ETV1: variants seen among roughly 807,000 people sequenced by gnomAD.
The protein encoded by ETV1 is ETS variant transcription factor 1, also known as ETS translocation variant 1.
ETV1 carries 27 observed loss-of-function variants against 62.3 expected under a neutral mutation model. That is an observed-to-expected ratio of 0.43 (90% CI 0.32 to 0.60). The LOEUF is 0.60. ETV1 is among the 20% of genes least tolerant of loss of function. The pLI, the probability that ETV1 is intolerant of heterozygous loss-of-function variation, is 0.06. For synonymous variants in ETV1, 222 were observed against 199.6 expected, an observed-to-expected ratio of 1.11 and a Z score of -0.94; for missense variants, 605 against 605.8, an observed-to-expected ratio of 1.00 and a Z score of 0.01.
intron 8 of ETV1, among the ~76,000 whole-genome samples, chr7:13,932,243 G>C (rs190747276): frequency 6.6e-6 from 1 of 152,246 alleles, no homozygotes; most frequent in African/African-American, 2.4e-5. Context: ...AAAACCTGCT[G>C]AGAAAGCAAG....
At chr7:13,982,962 T>A (rs1014634908) in intron 5 of ETV1, among the ~76,000 whole-genome samples, 2 of 152,062 alleles carry the variant, frequency 1.3e-5, no homozygotes, top group African/African-American at 2.4e-5. Flanking sequence ...TTAAAGCGAA[T>A]TGAGGGGAAA....
intron 9 of ETV1, among the ~76,000 whole-genome samples, chr7:13,918,336 C>T (rs1784423471): frequency 6.6e-6 from 1 of 152,148 alleles, no homozygotes; most frequent in African/African-American, 2.4e-5. Flanking sequence ...AGTTTACAGT[C>T]CCACCAACAG....
rs1399852640 is a variant in ETV1 at position 13,891,847 on chromosome 7, A to G, written c.*4019T>C. 4.3e-6 allele frequency: 1 copy of G among 231,474 alleles called. No individual in the cohort carries two copies. Among genetic ancestry groups the G allele is most frequent in the Non-Finnish European group, 8.5e-6 (1 of 117,128 alleles). 14.3% of individuals were successfully genotyped at this position (231,474 alleles called of 1,614,324 possible). On this transcript the variant is annotated 3_prime_UTR_variant, in exon 14 of 14. Coordinates refer to ENST00000430479, the MANE Select transcript of ETV1 (RefSeq NM_004956.5). ...CTCCATACCAAATCGCAAATGGAAA[A>G]TAGCTTACTCACTTCTTATTTTTAA...
chr7:13,942,206 G>A (rs111491809), intron 6 of ETV1, among the ~76,000 whole-genome samples: 3 of 151,838 alleles, frequency 2.0e-5, no homozygotes, highest in African/African-American at 2.4e-5. Flanking sequence ...TGGATTTTTA[G>A]TAGAGACGGG....
intron 5 of ETV1, chr7:13,986,058 A>C: frequency 1.1e-5 from 12 of 1,107,434 alleles, no homozygotes; most frequent in African/African-American, 1.5e-5. Flanking sequence ...CATTTTTAAA[A>C]TCCTCATATC....
intron 9 of ETV1, among the ~76,000 whole-genome samples, chr7:13,931,052 G>A (rs975910609): frequency 5.9e-5 from 9 of 152,104 alleles, no homozygotes; most frequent in Admixed American, 2.6e-4. Context: ...AAAGTGCTGG[G>A]ATTACAGGCG....
At chr7:13,930,772 T>C (rs1267947025) in intron 9 of ETV1, among the ~76,000 whole-genome samples, 1 of 150,842 alleles carries the variant, frequency 6.6e-6, no homozygotes, top group Non-Finnish European at 1.5e-5. Flanking sequence ...TTACGAACAC[T>C]TAGAATCTTT....
rs111456623 is a variant in ETV1, at chr7:13,910,737, C to T, written c.871+502G>A. Among the ~76,000 whole-genome samples, 15 of 152,306 alleles carry T rather than the reference C, an allele frequency of 9.8e-5. No individual in the cohort carries two copies. In the South Asian group the frequency reaches 1.0e-3, roughly 11 times the overall value. ...CTTTACAGGCAAAGCTTTCCTACCA[C>T]GGTTACCACAAGCCTGTCTATGAGA... On this transcript the variant is annotated intron_variant, in intron 10 of 13. Transcript: ENST00000430479.
intron 9 of ETV1, among the ~76,000 whole-genome samples, chr7:13,916,697 G>A (rs1353883430): frequency 1.3e-5 from 2 of 152,166 alleles, no homozygotes; most frequent in African/African-American, 4.8e-5. Flanking sequence ...GGGAGGCCGA[G>A]GTGGGAGGAT....
chr7:13,955,211 A>G (rs767647622), intron 6 of ETV1, among the ~76,000 whole-genome samples: 13 of 152,178 alleles, frequency 8.5e-5, no homozygotes, highest in Non-Finnish European at 1.8e-4. Context: ...AATTCAATGT[A>G]TATTGAAGGA....
intron 9 of ETV1, among the ~76,000 whole-genome samples, chr7:13,921,295 C>T (rs547636299): frequency 1.3e-5 from 2 of 152,238 alleles, no homozygotes; most frequent in South Asian, 4.2e-4. Flanking sequence ...ATAATCATTG[C>T]TGCCCTGGAA....
At chr7:13,973,934 T>C (rs1781149699) in intron 6 of ETV1, among the ~76,000 whole-genome samples, 1 of 152,204 alleles carries the variant, frequency 6.6e-6, no homozygotes, top group Admixed American at 6.5e-5. Context: ...AAATAAGCAC[T>C]AAGAAGGTGA....
At chr7:13,988,929 C>G in intron 3 of ETV1, 79 bp downstream of exon 3, 1 of 1,463,472 alleles carries the variant, frequency 6.8e-7, no homozygotes, top group Non-Finnish European at 9.4e-7. Context: ...CCCGTGCCCC[C>G]TCCCTTCTCA....
At position 13,913,665 on chromosome 7, in the gene ETV1, T is replaced by A. The variant is rs571632503; in HGVS notation, c.803-2358A>T. On this transcript the variant is annotated intron_variant, in intron 9 of 13. Transcript: ENST00000430479. ...CAGTACTTAAAACTAAAAATAATTA[T>A]ATATCTAAATAAGTTACATTTGTTA... Among the ~76,000 whole-genome samples the A allele has an allele frequency of 3.9e-5, 6 of 152,238 alleles. No homozygotes were observed. The South Asian group carries it at 8.3e-4, about 21-fold the overall frequency.
intron 7 of ETV1, among the ~76,000 whole-genome samples, chr7:13,936,288 T>A (rs2128456594): frequency 6.6e-6 from 1 of 152,332 alleles, no homozygotes; most frequent in Admixed American, 6.5e-5. Context: ...TCTTCTTTTA[T>A]ATTATGTAAG....
intron 11 of ETV1, 69 bp from the exon 12 acceptor site, chr7:13,906,668 A>C: frequency 8.5e-7 from 1 of 1,178,802 alleles, no homozygotes; most frequent in South Asian, 1.8e-5. Flanking sequence ...ATGTACATTA[A>C]ATCAATCACT....
chr7:13,959,882 CA>C (rs35605197), intron 6 of ETV1, among the ~76,000 whole-genome samples: 2,406 of 56,398 alleles, frequency 0.043, 8 homozygotes, highest in East Asian at 0.13. Flanking sequence ...GATTCTGTCT[CA>C]AAAAAAAAAA....
intron 6 of ETV1, among the ~76,000 whole-genome samples, chr7:13,941,618 C>A (rs1787512886): frequency 6.6e-6 from 1 of 152,100 alleles, no homozygotes; most frequent in Non-Finnish European, 1.5e-5. Context: ...CACCTGTAAT[C>A]CCAGCTCTTT....
chr7:13,911,839 T>C (rs952335135), intron 9 of ETV1, among the ~76,000 whole-genome samples: 1 of 152,238 alleles, frequency 6.6e-6, no homozygotes, highest in Non-Finnish European at 1.5e-5. Flanking sequence ...TAACACTGTT[T>C]CCTGATATCT....
Sources: gnomAD v4.1 joint callset for allele counts (sites outside exome capture counted in the v4.1 genomes callset) on GRCh38, gnomAD v4.1.1 for gene constraint, MANE v1.5 for transcripts, NCBI Gene and HGNC (gene_info 2026-07-23, HGNC 2026-07-21) for gene names.